RYR3: variants seen among roughly 807,000 people sequenced by gnomAD.
RYR3 encodes brain ryanodine receptor-calcium release channel.
RYR3 carries 207 observed loss-of-function variants against 584.3 expected under a neutral mutation model. The observed-to-expected ratio is 0.35, with a 90% confidence interval of 0.32 to 0.40. The LOEUF (loss-of-function observed/expected upper bound fraction) is 0.40, where lower values mean the gene tolerates loss of function less well. Ranked by LOEUF, RYR3 falls within the 10% of genes least tolerant of loss-of-function variation. The pLI is 1.00. For missense variants in RYR3, 5,616 were observed against 6,089.2 expected (o/e 0.92, Z 2.59); for synonymous variants, 2,416 against 2,248.5 (o/e 1.07, Z -2.11).
At chr15:33,732,835 C>A (rs942107330) in intron 48 of RYR3, among the ~76,000 whole-genome samples, 5 of 152,190 alleles carry the variant, frequency 3.3e-5, no homozygotes, top group African/African-American at 1.2e-4. Context: ...GGAATCACTG[C>A]TGTAGGGCAC....
chr15:33,849,209 C>T (rs1438965676), intron 94 of RYR3: 1 of 152,190 alleles, frequency 6.6e-6, no homozygotes, highest in Non-Finnish European at 1.5e-5. Context: ...GAGGCAATTA[C>T]ATGGGCAGGT....
intron 14 of RYR3, among the ~76,000 whole-genome samples, chr15:33,583,296 G>T (rs527693320): frequency 2.0e-5 from 3 of 152,318 alleles, no homozygotes; most frequent in African/African-American, 7.2e-5. Context: ...TCATCCATTA[G>T]TGTATAGCCA....
At chr15:33,632,786 A>G (rs989383458) in intron 23 of RYR3, among the ~76,000 whole-genome samples, 163 bp from the exon 24 acceptor site, 6 of 152,222 alleles carry the variant, frequency 3.9e-5, no homozygotes, top group Admixed American at 6.5e-5. Flanking sequence ...GGCTTCATCT[A>G]TAGACTTGAA....
At chr15:33,718,495 A>T (rs949534651) in intron 43 of RYR3, among the ~76,000 whole-genome samples, 3 of 152,206 alleles carry the variant, frequency 2.0e-5, no homozygotes, top group Non-Finnish European at 4.4e-5. Flanking sequence ...ACAAAGGAAG[A>T]GGACAGGGTG....
chr15:33,323,806 C>T (rs1311147732), intron 1 of RYR3, among the ~76,000 whole-genome samples: 1 of 152,156 alleles, frequency 6.6e-6, no homozygotes, highest in South Asian at 2.1e-4. Context: ...CTGGGCTTTG[C>T]TCTGGTCTCT....
chr15:33,550,341 G>C (rs747473049), intron 10 of RYR3, 25 bp downstream of exon 10: 1 of 1,600,106 alleles, frequency 6.2e-7, no homozygotes, highest in South Asian at 1.1e-5. Context: ...AGTGGACTTT[G>C]ACCCTGTTCT....
At chr15:33,469,944 A>C (rs2048799252) in intron 1 of RYR3, among the ~76,000 whole-genome samples, 1 of 152,196 alleles carries the variant, frequency 6.6e-6, no homozygotes, top group Admixed American at 6.5e-5. Context: ...AGGGGTTTCA[A>C]GAAGGAGCAT....
chr15:33,487,749 T>G (rs945845688), intron 2 of RYR3, among the ~76,000 whole-genome samples: 1 of 152,214 alleles, frequency 6.6e-6, no homozygotes, highest in African/African-American at 2.4e-5. Context: ...AAGGGTCATT[T>G]CATATTCATC....
chr15:33,658,716 C>CTGG, intron 32 of RYR3, among the ~76,000 whole-genome samples: 1 of 152,344 alleles, frequency 6.6e-6, no homozygotes, highest in South Asian at 2.1e-4. Context: ...TTCTTGAAAA[C>CTGG]ACTTTAGTAA....
intron 69 of RYR3, among the ~76,000 whole-genome samples, chr15:33,805,644 A>AT (rs1377194669): frequency 2.7e-5 from 4 of 150,872 alleles, no homozygotes; most frequent in Non-Finnish European, 4.4e-5. Context: ...CGCCCGGCTA[A>AT]TTTTTTGTAT....
intron 1 of RYR3, among the ~76,000 whole-genome samples, chr15:33,456,371 C>T (rs916514759): frequency 9.2e-5 from 14 of 152,172 alleles, no homozygotes; most frequent in African/African-American, 3.4e-4. Context: ...TGGGCAAGCA[C>T]GTGACACAGG....
chr15:33,678,558 G>A (rs2064349562), intron 38 of RYR3, among the ~76,000 whole-genome samples: 1 of 152,212 alleles, frequency 6.6e-6, no homozygotes, highest in South Asian at 2.1e-4. Context: ...AGCAGTGTGA[G>A]AATGGACTAA....
chr15:33,853,577 T>C lies in RYR3; in HGVS notation c.13694T>C (p.Leu4565Pro). The part of the protein sequence containing the change: ...KRKVINKYGD[L>P]YGAERIAELL... Reference sequence around the variant, plus strand: ...CAGGTGATCAACAAGTATGGAGATCTCTACGGAGCAGAACGCATTGCTGAA... The same window carrying C: ...CAGGTGATCAACAAGTATGGAGATCCCTACGGAGCAGAACGCATTGCTGAA... Residue 4565 changes from leucine (L) to proline (P), a missense_variant, in exon 96 of 104, where the codon CTC (leucine) becomes CCC (proline). Leu to Pro is a moderately conservative substitution (Grantham distance 98). Around this residue, in one of 9 missense-constraint regions of RYR3, gnomAD observed 918 missense variants for 887.4 expected, o/e 1.03. Transcript: ENST00000634891. 6.2e-7 allele frequency: 1 copy of C among 1,613,906 alleles called. No individual in the cohort carries two copies. The highest frequency in any genetic ancestry group is 2.2e-5 in the East Asian group (1 of 44,886).
chr15:33,457,541 GAAGTA>G (rs939131856), intron 1 of RYR3, among the ~76,000 whole-genome samples: 26 of 152,312 alleles, frequency 1.7e-4, no homozygotes, highest in Admixed American at 1.2e-3. Context: ...TGATCTCACA[GAAGTA>G]GAGTATGGAA....
chr15:33,861,201 A>AGTAATG, intron 102 of RYR3, 23 bp downstream of exon 102: 3 of 1,527,058 alleles, frequency 2.0e-6, no homozygotes, highest in Non-Finnish European at 2.7e-6. Context: ...GGTTAACAAA[A>AGTAATG]GTAATGGCAG....
intron 69 of RYR3, among the ~76,000 whole-genome samples, chr15:33,805,684 A>G (rs1014367771): frequency 4.6e-5 from 7 of 151,558 alleles, no homozygotes; most frequent in South Asian, 2.1e-4. Flanking sequence ...TCACTGTGTT[A>G]GCCAGGATGG....
chr15:33,508,850 A>G (rs2052713727), intron 3 of RYR3, among the ~76,000 whole-genome samples: 1 of 152,186 alleles, frequency 6.6e-6, no homozygotes, highest in Non-Finnish European at 1.5e-5. Context: ...AGGGAATACC[A>G]CACACAGCAT....
chr15:33,668,178 G>A (rs796805127), intron 36 of RYR3, among the ~76,000 whole-genome samples: 8 of 151,478 alleles, frequency 5.3e-5, no homozygotes, highest in African/African-American at 1.2e-4. Context: ...TCAGCCGGGC[G>A]TGTTGGCGGG....
intron 3 of RYR3, among the ~76,000 whole-genome samples, chr15:33,511,512 G>T (rs574286091): frequency 6.6e-6 from 1 of 151,710 alleles, no homozygotes; most frequent in Non-Finnish European, 1.5e-5. Context: ...CATGTACTTT[G>T]CATGGACAAC....
Sources: allele counts gnomAD v4.1 joint callset (sites outside exome capture counted in the v4.1 genomes callset), GRCh38; gene constraint gnomAD v4.1.1; regional missense constraint gnomAD v4.1.1; transcripts MANE v1.5; gene names NCBI Gene and HGNC (gene_info 2026-07-23, HGNC 2026-07-21).